CLCN3: variants seen among roughly 807,000 people sequenced by gnomAD.
CLCN3 encodes the protein Cl-/H+ antiporter 3.
A neutral mutation model predicts 83.4 loss-of-function variants in CLCN3; 16 were observed. The ratio of observed to expected loss-of-function variants is 0.19; its 90% CI spans 0.13 to 0.29. CLCN3 has a LOEUF of 0.29. Ranked by LOEUF, CLCN3 falls within the 10% of genes least tolerant of loss-of-function variation. CLCN3 has a pLI of 1.00. For synonymous variants in CLCN3, 322 were observed against 346.2 expected (o/e 0.93, Z 0.78); for missense variants, 544 against 1,006.0 (o/e 0.54, Z 6.21).
Position 169,697,062 on chromosome 4 carries a change from C to G in CLCN3, c.1018-127C>G, listed in dbSNP as rs1732592153. On this transcript the variant is annotated intron_variant, in intron 8 of 12. Coordinates refer to ENST00000513761, the MANE Select transcript of CLCN3 (RefSeq NM_001829.4). ...TCAATTTTTCTTATTACAGTAAAAT[C>G]CATTACATGTAAATTCTAACTACAG... The G allele has an allele frequency of 2.2e-5, 14 of 628,820 alleles. 1 individual carries two copies. The South Asian group carries it at 3.7e-4, about 16-fold the overall frequency. 39.0% of individuals were successfully genotyped at this position (628,820 alleles called of 1,614,324 possible). A position where few individuals can be genotyped will look rare whatever the true frequency, so the allele number is the denominator to read the frequency against.
chr4:169,671,977 C>T (rs540615379), intron 2 of CLCN3, among the ~76,000 whole-genome samples: 2 of 151,986 alleles, frequency 1.3e-5, no homozygotes, highest in African/African-American at 2.4e-5. Flanking sequence ...TTTGGGAGGC[C>T]GAGGCGGGCA....
chr4:169,663,024 TATAATGGATTTG>T (rs1222382769), intron 2 of CLCN3: 9 of 152,078 alleles, frequency 5.9e-5, no homozygotes, highest in Non-Finnish European at 1.2e-4. Flanking sequence ...ACCAACCCTT[TATAATGGATTTG>T]ATCTTTTGGG....
At chr4:169,638,451 T>C (rs1293367270) in intron 2 of CLCN3, among the ~76,000 whole-genome samples, 1 of 151,890 alleles carries the variant, frequency 6.6e-6, no homozygotes, top group Non-Finnish European at 1.5e-5. Flanking sequence ...AAATACAATA[T>C]TTTGCTGTTA....
At chr4:169,628,496 C>T (rs1360245151) in intron 1 of CLCN3, among the ~76,000 whole-genome samples, 2 of 152,152 alleles carry the variant, frequency 1.3e-5, no homozygotes, top group Non-Finnish European at 2.9e-5. Context: ...GGACAAAAGA[C>T]ATAGTCATTT....
intron 11 of CLCN3, among the ~76,000 whole-genome samples, chr4:169,709,961 GGT>G (rs1733147285): frequency 6.6e-6 from 1 of 151,984 alleles, no homozygotes; most frequent in African/African-American, 2.4e-5. Context: ...GTCTGGGTGT[GGT>G]GGTGCCACCT....
intron 1 of CLCN3, among the ~76,000 whole-genome samples, chr4:169,632,742 A>T (rs915750755): frequency 1.4e-5 from 2 of 147,948 alleles, no homozygotes; most frequent in African/African-American, 2.5e-5. Flanking sequence ...AAAAAAAAAA[A>T]GTGCTGGGGA....
chr4:169,641,083 C>T (rs1337882928), intron 2 of CLCN3, among the ~76,000 whole-genome samples: 1 of 152,000 alleles, frequency 6.6e-6, no homozygotes, highest in Non-Finnish European at 1.5e-5. Flanking sequence ...CCTATCTATA[C>T]ATAACTTTAA....
At chr4:169,685,815 A>G (rs1305764056) in intron 3 of CLCN3, among the ~76,000 whole-genome samples, 1 of 152,222 alleles carries the variant, frequency 6.6e-6, no homozygotes, top group Admixed American at 6.5e-5. Flanking sequence ...TTATTGAGGA[A>G]AAGCAACATG....
At chr4:169,685,869 CT>C (rs1732133304) in intron 3 of CLCN3, among the ~76,000 whole-genome samples, 1 of 152,234 alleles carries the variant, frequency 6.6e-6, no homozygotes, top group Non-Finnish European at 1.5e-5. Context: ...ATTTCTAATT[CT>C]AAAGAATGGT....
At chr4:169,716,116 A>G (rs1733413426) in intron 12 of CLCN3, among the ~76,000 whole-genome samples, 1 of 152,196 alleles carries the variant, frequency 6.6e-6, no homozygotes, top group Admixed American at 6.5e-5. Context: ...GCCCAAAAGG[A>G]AACAGCAAAT....
chr4:169,706,755 C>A, intron 10 of CLCN3, 113 bp from the exon 11 acceptor site: 1 of 799,248 alleles, frequency 1.3e-6, no homozygotes, highest in South Asian at 1.8e-5. Context: ...AATGCTTTTC[C>A]CTGACTGAGT....
intron 10 of CLCN3, 39 bp downstream of exon 10, chr4:169,704,223 A>C (rs774849751): frequency 6.4e-7 from 1 of 1,570,070 alleles, no homozygotes; most frequent in Admixed American, 1.7e-5. Context: ...GATGTTTGCA[A>C]GTCTGAGAGA....
chr4:169,697,113 C>T, intron 8 of CLCN3, 76 bp from the exon 9 acceptor site: 1 of 1,044,582 alleles, frequency 9.6e-7, no homozygotes, highest in South Asian at 2.0e-5. Flanking sequence ...GGATATTTAC[C>T]ATTCAAGTTA....
intron 2 of CLCN3, among the ~76,000 whole-genome samples, chr4:169,674,574 T>G (rs1377339141): frequency 2.0e-5 from 3 of 152,104 alleles, no homozygotes; most frequent in Non-Finnish European, 2.9e-5. Flanking sequence ...GCTTTAAGAT[T>G]GAGCTTTTGA....
chr4:169,720,950 G>C lies in CLCN3; in HGVS notation c.*953G>C, dbSNP rs893894620. 2 of 152,564 alleles carry C rather than the reference G, an allele frequency of 1.3e-5. No individual in the cohort carries two copies. Among genetic ancestry groups the C allele is most frequent in the African/African-American group, 4.8e-5 (2 of 41,410 alleles). The allele number at this position is 152,564 out of a possible 1,614,324, so 9.5% of individuals were successfully genotyped here. A position where few individuals can be genotyped will look rare whatever the true frequency, so the allele number is the denominator to read the frequency against. On this transcript the variant is annotated 3_prime_UTR_variant, in exon 13 of 13. Coordinates refer to ENST00000513761, the MANE Select transcript of CLCN3 (RefSeq NM_001829.4). ...ACTACTATGATATACAAGTGCTGTT[G>C]AGCATAATTAAATAAAATGCTGCTG... is the stretch of plus-strand genomic sequence containing the variant.
rs1325023247 is a variant in CLCN3 at position 169,705,787 on chromosome 4, G to A, written c.1751-1081G>A. On this transcript the variant is annotated intron_variant, in intron 10 of 12. Coordinates refer to ENST00000513761, the MANE Select transcript of CLCN3 (RefSeq NM_001829.4). ...GCAAAAGAGCAACACAGTAAAAGTA[G>A]TACTTAGGAAAGATTAACAAGGGAA... Among the ~76,000 whole-genome samples the A allele has an allele frequency of 3.3e-5, 5 of 152,140 alleles. No homozygotes were observed. In the East Asian group the frequency reaches 9.6e-4, roughly 29 times the overall value.
At chr4:169,682,174 T>C (rs1245447970) in intron 3 of CLCN3, among the ~76,000 whole-genome samples, 1 of 152,210 alleles carries the variant, frequency 6.6e-6, no homozygotes, top group East Asian at 1.9e-4. Context: ...TTAGAAAATA[T>C]TGATTCACTG....
At chr4:169,654,331 G>A (rs906663174) in intron 2 of CLCN3, among the ~76,000 whole-genome samples, 11 of 151,310 alleles carry the variant, frequency 7.3e-5, no homozygotes, top group African/African-American at 2.7e-4. Context: ...TTTATCAATA[G>A]TTAGTTTTTC....
chr4:169,647,887 A>G (rs1730620482), intron 2 of CLCN3, among the ~76,000 whole-genome samples: 1 of 152,234 alleles, frequency 6.6e-6, no homozygotes, highest in Admixed American at 6.5e-5. Flanking sequence ...CAAATAGTGA[A>G]CATTAATATC....
Sources: allele counts gnomAD v4.1 joint callset (sites outside exome capture counted in the v4.1 genomes callset), GRCh38; gene constraint gnomAD v4.1.1; transcripts MANE v1.5; gene names NCBI Gene and HGNC (gene_info 2026-07-23, HGNC 2026-07-21).